CFAP99: variants seen among roughly 807,000 people sequenced by gnomAD.
CFAP99 encodes the protein cilia and flagella associated protein 99.
A neutral mutation model predicts 82.7 loss-of-function variants in CFAP99; 84 were observed. The observed-to-expected ratio is 1.02, with a 90% CI of 0.85 to 1.22. The LOEUF is 1.22. Ranked by LOEUF, CFAP99 falls within the 50% of genes most tolerant of loss-of-function variation. The pLI, the probability that CFAP99 is intolerant of heterozygous loss-of-function variation, is 0.00. For missense variants in CFAP99, 1,059 were observed against 983.5 expected (o/e 1.08, Z -1.03); for synonymous variants, 456 against 429.5 (o/e 1.06, Z -0.76).
Position 2,455,457 on chromosome 4 carries a change from G to T in CFAP99, c.1161+3111G>T, listed in dbSNP as rs544124048. 3.9e-5 allele frequency among the ~76,000 whole-genome samples: 6 copies of T among 152,340 alleles called. No individual in the cohort carries two copies. In the South Asian group the frequency reaches 1.2e-3, roughly 32 times the overall value. ...GGAGGCCAAAGCAGGGCGATCACCTGAGGTCAGGCATTCAAGACCAGCCTG... is the reference window on the plus strand; with the variant it reads ...GGAGGCCAAAGCAGGGCGATCACCTTAGGTCAGGCATTCAAGACCAGCCTG... On this transcript the variant is annotated intron_variant, in intron 11 of 14. Coordinates refer to ENST00000635017, the Ensembl canonical transcript of CFAP99.
intron 11 of CFAP99, among the ~76,000 whole-genome samples, chr4:2,455,795 T>A (rs552977145): frequency 1.3e-5 from 2 of 152,358 alleles, no homozygotes; most frequent in Admixed American, 6.5e-5. Flanking sequence ...GTGACTAATA[T>A]TTTTTCTTAC....
intron 1 of CFAP99, among the ~76,000 whole-genome samples, chr4:2,419,464 G>C (rs916799337): frequency 6.6e-6 from 1 of 152,142 alleles, no homozygotes; most frequent in East Asian, 1.9e-4. Context: ...GCGTGCCCTG[G>C]CTGTGGGGGT....
At chr4:2,432,013 C>T (rs546607754) in intron 2 of CFAP99, among the ~76,000 whole-genome samples, 1 of 152,328 alleles carries the variant, frequency 6.6e-6, no homozygotes, top group Non-Finnish European at 1.5e-5. Flanking sequence ...CAACAAAATC[C>T]ATAAAAGCAG....
intron 1 of CFAP99, among the ~76,000 whole-genome samples, chr4:2,421,881 A>G (rs1438394998): frequency 7.4e-6 from 1 of 135,942 alleles, no homozygotes; most frequent in Non-Finnish European, 1.5e-5. Context: ...TGTCTCTACA[A>G]AAAAAAAAAA....
rs1476211287 is a variant in CFAP99, at chr4:2,462,731, G to A, written c.1950G>A (p.Ala650=). The change falls in exon 15 of 15, where the codon GCG becomes GCA. Residue 650 remains alanine (A), a synonymous_variant. Coordinates refer to ENST00000635017, the Ensembl canonical transcript of CFAP99. The surrounding 1 kb of genome is among the most constrained non-coding windows in gnomAD (Gnocchi z 4.1). ...GGCGGGGAGATCGGGTCCGGTCCGC[G>A]GCCGGGAGATACGCAGCGGCGGGCG... 1.6e-6 allele frequency: 2 copies of A among 1,241,354 alleles called. No individual in the cohort carries two copies. The highest frequency in any genetic ancestry group is 2.0e-6 in the Non-Finnish European group (2 of 989,624). 76.9% of individuals were successfully genotyped at this position (1,241,354 alleles called of 1,614,324 possible). A position where few individuals can be genotyped will look rare whatever the true frequency, so the allele number is the denominator to read the frequency against.
intron 2 of CFAP99, among the ~76,000 whole-genome samples, chr4:2,436,062 G>A (rs1211992754): frequency 6.7e-6 from 1 of 149,338 alleles, no homozygotes; most frequent in African/African-American, 2.5e-5. Context: ...GACAGAGTGA[G>A]ACCCTGTCTC....
At chr4:2,452,670 G>T (rs1734333221) in intron 11 of CFAP99, among the ~76,000 whole-genome samples, 1 of 152,184 alleles carries the variant, frequency 6.6e-6, no homozygotes, top group African/African-American at 2.4e-5. Flanking sequence ...TCAGGGACTT[G>T]ATCAAAGGTC....
chr4:2,462,709 G>T lies in CFAP99; in HGVS notation c.1928G>T (p.Arg643Leu). The change falls in exon 15 of 15, where the codon CGG becomes CTG. Residue 643 changes from arginine (R) to leucine (L), a missense_variant. Transcript: ENST00000635017. This position sits in a 1 kb window ranked among gnomAD's most constrained non-coding sequence, Gnocchi z 4.1. ...ACCGGCGTCCCGGGGCGGGGATGGCGGGGAGATCGGGTCCGGTCCGCGGCC... is the reference window on the plus strand; with the variant it reads ...ACCGGCGTCCCGGGGCGGGGATGGCTGGGAGATCGGGTCCGGTCCGCGGCC... The T allele has an allele frequency of 8.0e-7, 1 of 1,249,314 alleles. No homozygotes were observed. Among genetic ancestry groups the T allele is most frequent in the Non-Finnish European group, 1.0e-6 (1 of 994,518 alleles). The allele number at this position is 1,249,314 out of a possible 1,614,324, so 77.4% of individuals were successfully genotyped here. A position where few individuals can be genotyped will look rare whatever the true frequency, so the allele number is the denominator to read the frequency against.
At chr4:2,433,271 C>T (rs1235872520) in intron 2 of CFAP99, among the ~76,000 whole-genome samples, 1 of 152,230 alleles carries the variant, frequency 6.6e-6, no homozygotes, top group Non-Finnish European at 1.5e-5. Context: ...TGATGAGAAG[C>T]GGAGTCGCCG....
intron 2 of CFAP99, among the ~76,000 whole-genome samples, chr4:2,433,579 G>A (rs1362646952): frequency 1.3e-5 from 2 of 152,118 alleles, no homozygotes; most frequent in Non-Finnish European, 2.9e-5. Flanking sequence ...CTCACCCACC[G>A]AGCCCCCTCT....
chr4:2,443,295 C>G (rs954307165), intron 5 of CFAP99, 53 bp downstream of exon 5: 1 of 1,182,860 alleles, frequency 8.5e-7, no homozygotes, highest in African/African-American at 1.5e-5. Flanking sequence ...CACCCCATTC[C>G]AGGTGCCTCC....
At chr4:2,458,295 T>A (rs142488679) in intron 11 of CFAP99, among the ~76,000 whole-genome samples, 258 of 152,364 alleles carry the variant, frequency 1.7e-3, no homozygotes, top group African/African-American at 5.6e-3. Flanking sequence ...AGTAATTTTT[T>A]AATTTCAGAA....
intron 2 of CFAP99, among the ~76,000 whole-genome samples, chr4:2,432,693 G>T (rs912143332): frequency 2.6e-5 from 4 of 152,348 alleles, no homozygotes; most frequent in Middle Eastern, 3.4e-3. Flanking sequence ...GATTGTGAAT[G>T]CTGGACCCTT....
intron 11 of CFAP99, among the ~76,000 whole-genome samples, chr4:2,452,826 G>A (rs1197629566): frequency 6.6e-6 from 1 of 152,194 alleles, no homozygotes; most frequent in Non-Finnish European, 1.5e-5. Context: ...ACTTTAGGAG[G>A]CCAAGGCCAG....
At chr4:2,426,885 T>C in intron 2 of CFAP99, 1 of 331,864 alleles carries the variant, frequency 3.0e-6, no homozygotes, top group South Asian at 4.2e-5. Context: ...AGCGCCCCCA[T>C]GCCCCACCCC....
At chr4:2,460,405 C>T (rs1734593781) in intron 14 of CFAP99, among the ~76,000 whole-genome samples, 163 bp downstream of exon 14, 1 of 152,210 alleles carries the variant, frequency 6.6e-6, no homozygotes, top group South Asian at 2.1e-4. Context: ...TAGTAGGTGA[C>T]TTCCAGGCAC....
At chr4:2,431,092 G>A (rs1346335481) in intron 2 of CFAP99, among the ~76,000 whole-genome samples, 4 of 151,686 alleles carry the variant, frequency 2.6e-5, no homozygotes, top group Admixed American at 6.6e-5. Context: ...ATGTTGGCCG[G>A]GCGCGGTGGC....
At chr4:2,462,995 G>A, downstream of CFAP99, 1 of 897,666 alleles carries the variant, frequency 1.1e-6, no homozygotes, top group Non-Finnish European at 1.5e-6. This position sits in a 1 kb window ranked among gnomAD's most constrained non-coding sequence, Gnocchi z 4.1. Context: ...AAAGAGTGCG[G>A]CCCGCGGTGC....
chr4:2,437,102 C>T lies in CFAP99; in HGVS notation c.256+84C>T, dbSNP rs938022954. ...GCGGAAAGGCCTGGCAGGCAGGCAG[C>T]GGGCAGGCGGGGCCAGCTCCTCCTT... On this transcript the variant is annotated intron_variant, in intron 3 of 14. Coordinates refer to ENST00000635017, the Ensembl canonical transcript of CFAP99. 54 of 1,472,730 alleles carry T rather than the reference C, an allele frequency of 3.7e-5. No individual in the cohort carries two copies. The Admixed American group carries it at 6.0e-4, about 16-fold the overall frequency. 91.2% of individuals were successfully genotyped at this position (1,472,730 alleles called of 1,614,324 possible). A position where few individuals can be genotyped will look rare whatever the true frequency, so the allele number is the denominator to read the frequency against.
Sources: allele counts gnomAD v4.1 joint callset (sites outside exome capture counted in the v4.1 genomes callset), GRCh38; gene constraint gnomAD v4.1.1; non-coding constraint Gnocchi (gnomAD v3.1); transcripts MANE v1.5; gene names NCBI Gene and HGNC (gene_info 2026-07-23, HGNC 2026-07-21).